The following FMN2 variants were observed in gnomAD, a reference collection of about 807,000 sequenced individuals.
FMN2 encodes formin 2.
In FMN2, 51 loss-of-function variants were observed where a neutral mutation model predicts 142.3. The ratio of observed to expected loss-of-function variants is 0.36; its 90% CI spans 0.29 to 0.45. The LOEUF (loss-of-function observed/expected upper bound fraction) is 0.45, where lower values mean the gene tolerates loss of function less well. Ranked by LOEUF, FMN2 falls within the 20% of genes least tolerant of loss-of-function variation. The pLI is 1.00. For missense variants in FMN2, 1,936 were observed against 2,122.8 expected (o/e 0.91, Z 1.73); for synonymous variants, 882 against 869.8 (o/e 1.01, Z -0.25).
chr1:240,204,526 G>T lies in FMN2; in HGVS notation c.1987-2273G>T, dbSNP rs191791301. Among the ~76,000 whole-genome samples the T allele has an allele frequency of 4.4e-3, 670 of 152,332 alleles. 5 individuals are homozygous for T. The highest frequency in any genetic ancestry group is 8.2e-3 in the Non-Finnish European group (560 of 68,024). ...AGCACTTTGGGAGGCCGAGGTGCGT[G>T]GATCACCTGAGGTCAGGAGTTTGAG... On this transcript the variant is annotated intron_variant, in intron 4 of 17. Transcript: ENST00000319653.
chr1:240,283,512 C>CTT (rs1197497531), intron 7 of FMN2, among the ~76,000 whole-genome samples: 1 of 152,174 alleles, frequency 6.6e-6, no homozygotes, highest in African/African-American at 2.4e-5. Flanking sequence ...CCTATTATGA[C>CTT]TTTTCCCTGG....
At chr1:240,451,228 C>T (rs568703957) in intron 16 of FMN2, among the ~76,000 whole-genome samples, 9 of 151,000 alleles carry the variant, frequency 6.0e-5, no homozygotes, top group Non-Finnish European at 1.2e-4. Flanking sequence ...TAGCTGGGCG[C>T]GGTGGTGGGT....
chr1:240,112,149 TTTG>T, intron 1 of FMN2, among the ~76,000 whole-genome samples: 1 of 151,642 alleles, frequency 6.6e-6, no homozygotes, highest in Admixed American at 6.6e-5. Flanking sequence ...TTTTTTTTTT[TTTG>T]AGACGGAGTC....
rs1277359119 is a variant in FMN2 at position 240,206,901 on chromosome 1, T to C, written c.2089T>C (p.Tyr697His). 6.2e-7 allele frequency: 1 copy of C among 1,614,182 alleles called. No individual in the cohort carries two copies. The highest frequency in any genetic ancestry group is 1.7e-5 in the Admixed American group (1 of 60,016). Reference protein sequence around the residue: ...RTKIAELERQYPALDTEVASG... With the variant: ...RTKIAELERQHPALDTEVASG... ...CAAAATAGCTGAACTAGAGAGGCAGTATCCTGCCCTGGACACAGAGGTGGC... is the reference window on the plus strand; with the variant it reads ...CAAAATAGCTGAACTAGAGAGGCAGCATCCTGCCCTGGACACAGAGGTGGC... Residue 697 changes from tyrosine (Y) to histidine (H), a missense_variant, in exon 5 of 18, where the codon TAT (tyrosine) becomes CAT (histidine). Around this residue, in one of 8 missense-constraint regions of FMN2, gnomAD observed 478 missense variants for 462.8 expected, o/e 1.03. Transcript: ENST00000319653.
intron 2 of FMN2, among the ~76,000 whole-genome samples, chr1:240,155,549 G>GGA: frequency 6.6e-6 from 1 of 152,194 alleles, no homozygotes; most frequent in East Asian, 1.9e-4. Context: ...TCAAAGTGCT[G>GGA]GGATTATGTG....
chr1:240,282,502 G>T (rs1428473543), intron 7 of FMN2, among the ~76,000 whole-genome samples: 1 of 152,194 alleles, frequency 6.6e-6, no homozygotes, highest in Admixed American at 6.5e-5. Context: ...GAAGAATGCT[G>T]TTGGTATATG....
intron 4 of FMN2, among the ~76,000 whole-genome samples, chr1:240,196,853 C>T (rs1379235886): frequency 6.6e-5 from 10 of 152,090 alleles, no homozygotes; most frequent in Admixed American, 2.6e-4. Context: ...GAGAAATGAT[C>T]GAAAGATGTT....
At chr1:240,438,321 C>T in intron 16 of FMN2, 111 bp downstream of exon 16, 2 of 1,179,494 alleles carry the variant, frequency 1.7e-6, no homozygotes, top group Non-Finnish European at 2.4e-6. Flanking sequence ...TGGCCCTCAA[C>T]CCGGGGTAGC....
At chr1:240,100,216 T>G (rs1338681732) in intron 1 of FMN2, among the ~76,000 whole-genome samples, 2 of 152,208 alleles carry the variant, frequency 1.3e-5, no homozygotes, top group African/African-American at 4.8e-5. Context: ...TTTCTGCAGG[T>G]TAATGTTAAA....
intron 2 of FMN2, among the ~76,000 whole-genome samples, chr1:240,150,215 C>A (rs1663704090): frequency 1.3e-5 from 2 of 152,148 alleles, no homozygotes; most frequent in Admixed American, 6.5e-5. Context: ...TGTACAGAAG[C>A]TTACATCAAG....
At chr1:240,114,578 C>T (rs922301430) in intron 1 of FMN2, among the ~76,000 whole-genome samples, 1 of 152,012 alleles carries the variant, frequency 6.6e-6, no homozygotes, top group South Asian at 2.1e-4. Flanking sequence ...ATGGATTTTC[C>T]ATCCACTTGC....
intron 4 of FMN2, among the ~76,000 whole-genome samples, chr1:240,205,012 A>G (rs561981885): frequency 6.6e-6 from 1 of 152,194 alleles, no homozygotes; most frequent in Admixed American, 6.5e-5. Context: ...GTTTAGTTTT[A>G]TACTTAATAT....
chr1:240,311,280 A>G (rs907015728), intron 8 of FMN2, among the ~76,000 whole-genome samples: 7 of 152,354 alleles, frequency 4.6e-5, no homozygotes, highest in Middle Eastern at 3.4e-3. Flanking sequence ...TCAAAAGTGT[A>G]TACCATATTA....
chr1:240,171,228 T>C, intron 2 of FMN2: 2 of 776,200 alleles, frequency 2.6e-6, no homozygotes, highest in East Asian at 4.9e-5. Flanking sequence ...TGTCTTTTGA[T>C]GAAATTAACA....
chr1:240,395,644 G>A (rs1286187761), intron 15 of FMN2, among the ~76,000 whole-genome samples: 1 of 152,214 alleles, frequency 6.6e-6, no homozygotes, highest in Non-Finnish European at 1.5e-5. Flanking sequence ...TGCAAATGTG[G>A]TAGAAATAGA....
intron 15 of FMN2, among the ~76,000 whole-genome samples, chr1:240,408,725 C>T (rs935723144): frequency 5.3e-5 from 8 of 151,872 alleles, no homozygotes; most frequent in Non-Finnish European, 8.8e-5. Flanking sequence ...ATCTATGAAT[C>T]GAGGTGCTGA....
chr1:240,286,704 C>T lies in FMN2; in HGVS notation c.4154-8118C>T, dbSNP rs546200909. On this transcript the variant is annotated intron_variant, in intron 7 of 17. Coordinates refer to ENST00000319653, the MANE Select transcript of FMN2 (RefSeq NM_020066.5). ...CAAATGTGTGTACTTCCTGTGCCAT[C>T]TTAATCAGAGATGCTTCCCAGCAGT... Among the ~76,000 whole-genome samples, 23 of 149,582 alleles carry T rather than the reference C, an allele frequency of 1.5e-4. No homozygotes were observed. The South Asian group carries it at 4.3e-3, about 28-fold the overall frequency.
intron 14 of FMN2, among the ~76,000 whole-genome samples, chr1:240,385,556 T>C (rs111941134): frequency 5.1e-4 from 77 of 152,288 alleles, no homozygotes; most frequent in African/African-American, 1.8e-3. Context: ...GTTAGCAATT[T>C]TCTAGTTGGA....
At chr1:240,263,341 G>A (rs530975708) in intron 7 of FMN2, among the ~76,000 whole-genome samples, 85 of 152,282 alleles carry the variant, frequency 5.6e-4, no homozygotes, top group African/African-American at 1.9e-3. Context: ...GTCTGCACGA[G>A]ACATCTAGAA....
Sources: gnomAD v4.1 joint callset for allele counts (sites outside exome capture counted in the v4.1 genomes callset) on GRCh38, gnomAD v4.1.1 for gene constraint, gnomAD v4.1.1 regional missense constraint, MANE v1.5 for transcripts, NCBI Gene and HGNC (gene_info 2026-07-23, HGNC 2026-07-21) for gene names.